Variants in MIS18A observed in about 807,000 individuals in gnomAD.
MIS18A encodes MIS18 kinetochore protein A.
MIS18A carries 14 observed loss-of-function variants against 25.0 expected under a neutral mutation model. That is an observed-to-expected ratio of 0.56 (90% confidence interval 0.37 to 0.88). MIS18A has a LOEUF of 0.88. MIS18A is among the 40% of genes least tolerant of loss of function. The pLI is 0.00. For missense variants in MIS18A, 292 were observed against 290.8 expected, an observed-to-expected ratio of 1.00 and a Z score of -0.03; for synonymous variants, 134 against 118.6, an observed-to-expected ratio of 1.13 and a Z score of -0.84.
chr21:32,273,818 A>G (rs1569015181), intron 2 of MIS18A, among the ~76,000 whole-genome samples: 1 of 152,238 alleles, frequency 6.6e-6, no homozygotes, highest in Non-Finnish European at 1.5e-5. Context: ...AAATATACAC[A>G]TAATTAATTT....
the MIS18A span, among the ~76,000 whole-genome samples, chr21:32,190,830 C>A: frequency 6.6e-6 from 1 of 152,200 alleles, no homozygotes; most frequent in Non-Finnish European, 1.5e-5. Flanking sequence ...CCTGGAAAGT[C>A]CGCATTCATT....
the MIS18A span, among the ~76,000 whole-genome samples, chr21:32,189,882 A>G: frequency 2.0e-5 from 3 of 152,150 alleles, no homozygotes; most frequent in Admixed American, 6.6e-5. Flanking sequence ...ACTCTGGGAT[A>G]CCTGGAGCAA....
At chr21:32,177,983 TG>T in the MIS18A span, among the ~76,000 whole-genome samples, 1 of 152,082 alleles carries the variant, frequency 6.6e-6, no homozygotes, top group Admixed American at 6.6e-5. Flanking sequence ...GGCACAGTCA[TG>T]GCTCACTACA....
the MIS18A span, among the ~76,000 whole-genome samples, chr21:32,194,503 T>C: frequency 6.6e-6 from 1 of 151,734 alleles, no homozygotes; most frequent in Non-Finnish European, 1.5e-5. Context: ...CTACTAAAAA[T>C]ACGAAATTAG....
At chr21:32,274,113 G>T (rs1392830166) in intron 2 of MIS18A, among the ~76,000 whole-genome samples, 1 of 151,452 alleles carries the variant, frequency 6.6e-6, no homozygotes, top group Non-Finnish European at 1.5e-5. Flanking sequence ...TTATGTGTGT[G>T]CCATAACATG....
chr21:32,194,778 A>G, the MIS18A span, among the ~76,000 whole-genome samples: 1 of 152,232 alleles, frequency 6.6e-6, no homozygotes, highest in East Asian at 1.9e-4. Flanking sequence ...TTCCTAGTGC[A>G]ATGACTCAGA....
chr21:32,275,136 G>A (rs928999030), intron 1 of MIS18A, among the ~76,000 whole-genome samples: 11 of 152,178 alleles, frequency 7.2e-5, no homozygotes, highest in African/African-American at 1.2e-4. Flanking sequence ...CCCTTTGGGA[G>A]GCCAAGGTGA....
chr21:32,267,285 C>G (rs1421580280), downstream of MIS18A, among the ~76,000 whole-genome samples: 1 of 152,182 alleles, frequency 6.6e-6, no homozygotes, highest in East Asian at 1.9e-4. Flanking sequence ...CAGTGGAGAC[C>G]ATGTAATACA....
the MIS18A span, among the ~76,000 whole-genome samples, chr21:32,223,341 C>G: frequency 6.6e-6 from 1 of 152,072 alleles, no homozygotes; most frequent in South Asian, 2.1e-4. Flanking sequence ...AATCCAGGAG[C>G]TGGTTTTCTG....
chr21:32,204,361 G>A, the MIS18A span, among the ~76,000 whole-genome samples: 15 of 152,120 alleles, frequency 9.9e-5, 1 homozygote, highest in African/African-American at 2.7e-4. Flanking sequence ...GCCAGGCACC[G>A]TGGCAGGCGC....
the MIS18A span, among the ~76,000 whole-genome samples, chr21:32,241,444 G>A: frequency 6.6e-6 from 1 of 152,016 alleles, no homozygotes; most frequent in Admixed American, 6.5e-5. Context: ...TAACTTAAGT[G>A]TCATCGTTCT....
chr21:32,214,884 T>C, the MIS18A span, among the ~76,000 whole-genome samples: 150,857 of 152,336 alleles, frequency 0.99, 74,703 homozygotes, highest in East Asian at 1. Flanking sequence ...TTTAACTGGG[T>C]CAGGGTGGGA....
chr21:32,160,801 T>C, the MIS18A span, among the ~76,000 whole-genome samples: 1 of 151,992 alleles, frequency 6.6e-6, no homozygotes, highest in African/African-American at 2.4e-5. Flanking sequence ...CCAACTAATT[T>C]TGTATTTTTA....
chr21:32,206,654 C>T, the MIS18A span, among the ~76,000 whole-genome samples: 2 of 152,068 alleles, frequency 1.3e-5, no homozygotes, highest in African/African-American at 2.4e-5. Flanking sequence ...GGCACCGTAA[C>T]GGGAGATGGG....
the MIS18A span, among the ~76,000 whole-genome samples, chr21:32,185,471 C>G: frequency 3.9e-5 from 6 of 152,186 alleles, no homozygotes; most frequent in African/African-American, 1.4e-4. Context: ...ACCTGTGATG[C>G]TGTCAGGAGC....
At chr21:32,157,350 T>C in the MIS18A span, among the ~76,000 whole-genome samples, 17 of 151,068 alleles carry the variant, frequency 1.1e-4, no homozygotes, top group Admixed American at 6.6e-5. Context: ...ATTACAGGCA[T>C]GAACCACCGG....
At chr21:32,219,608 G>T in the MIS18A span, among the ~76,000 whole-genome samples, 21 of 152,170 alleles carry the variant, frequency 1.4e-4, no homozygotes, top group South Asian at 4.1e-4. Context: ...AGTGGTGCCT[G>T]GAATGCCAGC....
At chr21:32,250,963 A>G in the MIS18A span, among the ~76,000 whole-genome samples, 2 of 152,194 alleles carry the variant, frequency 1.3e-5, no homozygotes, top group Admixed American at 1.3e-4. Context: ...GGTTACCTCC[A>G]TGCTATTCTC....
downstream of MIS18A, among the ~76,000 whole-genome samples, chr21:32,266,345 G>A (rs1185405612): frequency 1.3e-5 from 2 of 152,234 alleles, no homozygotes; most frequent in Non-Finnish European, 2.9e-5. Flanking sequence ...CCAATCAGCA[G>A]GATGTGGGTG....
Sources: gnomAD v4.1 joint callset for allele counts (sites outside exome capture counted in the v4.1 genomes callset) on GRCh38, gnomAD v4.1.1 for gene constraint, MANE v1.5 for transcripts, NCBI Gene and HGNC (gene_info 2026-07-23, HGNC 2026-07-21) for gene names.